Variants in CALN1 observed in about 807,000 individuals in gnomAD.
The protein encoded by CALN1 is calcium-binding protein 8.
CALN1 carries 17 observed loss-of-function variants against 30.6 expected under a neutral mutation model. The ratio of observed to expected loss-of-function variants is 0.56; its 90% CI spans 0.38 to 0.83. The LOEUF is 0.83. Among genes scored for constraint, CALN1 ranks in the 40% least tolerant of loss-of-function variants. The pLI is 0.00. For missense variants in CALN1, 291 were observed against 354.9 expected (o/e 0.82, Z 1.45); for synonymous variants, 156 against 131.4 (o/e 1.19, Z -1.28).
chr7:72,447,996 A>C (rs947610599), upstream of CALN1, among the ~76,000 whole-genome samples: 1 of 151,294 alleles, frequency 6.6e-6, no homozygotes, highest in African/African-American at 2.4e-5. Context: ...ACACACACAC[A>C]CACACATGCC....
chr7:71,876,043 G>A (rs1792225625), intron 5 of CALN1, among the ~76,000 whole-genome samples: 1 of 152,090 alleles, frequency 6.6e-6, no homozygotes, highest in African/African-American at 2.4e-5. Context: ...AACCACACAA[G>A]TGACTCCCTC....
At chr7:72,154,821 G>A (rs1787537509) in intron 3 of CALN1, among the ~76,000 whole-genome samples, 1 of 152,122 alleles carries the variant, frequency 6.6e-6, no homozygotes, top group Admixed American at 6.5e-5. Context: ...AGAGAAAGGA[G>A]GATTACTTGA....
chr7:71,874,985 C>A (rs1175804726), intron 5 of CALN1, among the ~76,000 whole-genome samples: 1 of 151,842 alleles, frequency 6.6e-6, no homozygotes, highest in Non-Finnish European at 1.5e-5. Context: ...GCCAACATGG[C>A]AAAACCCCGT....
At chr7:72,063,751 C>T (rs1426662632) in intron 4 of CALN1, among the ~76,000 whole-genome samples, 6 of 152,082 alleles carry the variant, frequency 3.9e-5, no homozygotes, top group African/African-American at 4.8e-5. Context: ...GACAACCTGA[C>T]GTGGAAAGGA....
At chr7:72,161,631 G>A (rs1039484727) in intron 3 of CALN1, among the ~76,000 whole-genome samples, 1 of 152,096 alleles carries the variant, frequency 6.6e-6, no homozygotes, top group Non-Finnish European at 1.5e-5. Flanking sequence ...GTAGAATGCT[G>A]GGCAAAGAAG....
At chr7:72,465,807 T>C in the CALN1 span, among the ~76,000 whole-genome samples, 1 of 151,968 alleles carries the variant, frequency 6.6e-6, no homozygotes, top group Non-Finnish European at 1.5e-5. Context: ...GAAAGGAAAA[T>C]CAAGCTGCCA....
chr7:72,409,435 A>G (rs1450697768), intron 1 of CALN1, among the ~76,000 whole-genome samples: 1 of 144,058 alleles, frequency 6.9e-6, no homozygotes, highest in Non-Finnish European at 1.5e-5. Context: ...GCTGGCGCAG[A>G]GTATAATCTT....
chr7:72,291,955 A>G (rs547428881), intron 2 of CALN1, among the ~76,000 whole-genome samples: 2 of 151,872 alleles, frequency 1.3e-5, no homozygotes, highest in Admixed American at 1.3e-4. Flanking sequence ...ATTAGCAGAT[A>G]GGGGCCACCG....
chr7:72,137,208 T>C (rs1483972365), intron 3 of CALN1, among the ~76,000 whole-genome samples: 1 of 152,160 alleles, frequency 6.6e-6, no homozygotes, highest in African/African-American at 2.4e-5. Flanking sequence ...AGGGTTGGTA[T>C]GTTTCTGGTC....
chr7:72,394,270 C>G, intron 2 of CALN1, among the ~76,000 whole-genome samples: 1 of 152,146 alleles, frequency 6.6e-6, no homozygotes, highest in East Asian at 1.9e-4. Flanking sequence ...AAGCCCTTCC[C>G]TTAGGTGAAT....
At chr7:72,142,135 G>C (rs1360102470) in intron 3 of CALN1, among the ~76,000 whole-genome samples, 1 of 152,180 alleles carries the variant, frequency 6.6e-6, no homozygotes, top group African/African-American at 2.4e-5. Flanking sequence ...GCAGGACAGT[G>C]GGTGCAGTGC....
chr7:72,050,739 G>A (rs1483913214), intron 4 of CALN1, among the ~76,000 whole-genome samples: 4 of 152,012 alleles, frequency 2.6e-5, no homozygotes, highest in Admixed American at 6.6e-5. Context: ...GGTGGCTCAC[G>A]CCTGTAATCC....
At chr7:71,798,897 T>TA (rs1161022590) in intron 6 of CALN1, among the ~76,000 whole-genome samples, 1 of 152,162 alleles carries the variant, frequency 6.6e-6, no homozygotes, top group Admixed American at 6.5e-5. Flanking sequence ...GTGTTGGGAT[T>TA]ACAGGCATGA....
At chr7:72,466,089 T>C in the CALN1 span, among the ~76,000 whole-genome samples, 10 of 152,228 alleles carry the variant, frequency 6.6e-5, no homozygotes, top group African/African-American at 2.4e-4. Flanking sequence ...GAGAAGCCCA[T>C]GCTTGGAAGG....
intron 4 of CALN1, among the ~76,000 whole-genome samples, chr7:72,091,618 C>T (rs2129539807): frequency 6.6e-6 from 1 of 152,238 alleles, no homozygotes; most frequent in South Asian, 2.1e-4. Context: ...GTAAAATATT[C>T]CCTTATTGCT....
At chr7:72,134,563 A>G (rs1023703985) in intron 3 of CALN1, among the ~76,000 whole-genome samples, 1 of 152,232 alleles carries the variant, frequency 6.6e-6, no homozygotes, top group African/African-American at 2.4e-5. Context: ...CAGTAGCATT[A>G]TATCTTTAAA....
chr7:72,406,232 G>A (rs1288737221), intron 1 of CALN1, among the ~76,000 whole-genome samples: 1 of 152,208 alleles, frequency 6.6e-6, no homozygotes, highest in African/African-American at 2.4e-5. Flanking sequence ...CCCTGCACAA[G>A]CCGGACTAAC....
chr7:72,315,483 G>T (rs780546996), intron 2 of CALN1, among the ~76,000 whole-genome samples: 1 of 152,128 alleles, frequency 6.6e-6, no homozygotes, highest in African/African-American at 2.4e-5. Flanking sequence ...GAGGCGGGAA[G>T]ATCACTTGAA....
chr7:72,147,814 T>C (rs562892583), intron 3 of CALN1, among the ~76,000 whole-genome samples: 1 of 151,984 alleles, frequency 6.6e-6, no homozygotes, highest in East Asian at 1.9e-4. Flanking sequence ...TGGATGAAGC[T>C]GGAAACCATC....
Sources: gnomAD v4.1 joint callset for allele counts (sites outside exome capture counted in the v4.1 genomes callset) on GRCh38, gnomAD v4.1.1 for gene constraint, MANE v1.5 for transcripts, NCBI Gene and HGNC (gene_info 2026-07-23, HGNC 2026-07-21) for gene names.